Variants in SMAP1 observed in about 807,000 individuals in gnomAD.
SMAP1 encodes small ArfGAP 1, also known as stromal membrane-associated protein 1.
Under a neutral mutation model 58.5 loss-of-function variants are expected in SMAP1, and 24 were observed. The observed-to-expected ratio is 0.41, with a 90% CI of 0.30 to 0.58. The LOEUF is 0.58. Ranked by LOEUF, SMAP1 falls within the 20% of genes least tolerant of loss-of-function variation. The pLI is 0.29. For missense variants in SMAP1, 563 were observed against 566.3 expected (o/e 0.99, Z 0.06); for synonymous variants, 216 against 196.6 (o/e 1.10, Z -0.82).
At chr6:70,765,098 G>A (rs1199596299) in intron 3 of SMAP1, among the ~76,000 whole-genome samples, 1 of 152,194 alleles carries the variant, frequency 6.6e-6, no homozygotes, top group Admixed American at 6.5e-5. Context: ...ATTTTGCCCA[G>A]CCAGAAAACT....
chr6:70,747,891 G>A (rs1006672050), intron 2 of SMAP1, among the ~76,000 whole-genome samples: 1 of 152,148 alleles, frequency 6.6e-6, no homozygotes, highest in Non-Finnish European at 1.5e-5. Flanking sequence ...ATTGTGAAAA[G>A]TATGAAAACT....
intron 5 of SMAP1, among the ~76,000 whole-genome samples, chr6:70,795,381 A>T (rs2149948969): frequency 6.6e-6 from 1 of 152,294 alleles, no homozygotes; most frequent in Admixed American, 6.5e-5. Context: ...AAACAACAAA[A>T]ATTTACTTCT....
rs1771512669 is a variant in SMAP1 at position 70,858,074 on chromosome 6, A to C, written c.1114A>C (p.Met372Leu). 1.2e-6 allele frequency: 2 copies of C among 1,613,982 alleles called. No individual in the cohort carries two copies. Among genetic ancestry groups the C allele is most frequent in the African/African-American group, 2.7e-5 (2 of 74,910 alleles). Residue 372 changes from methionine (M) to leucine (L), a missense_variant, in exon 10 of 11, where the codon ATG (methionine) becomes CTG (leucine). This residue lies in a region of SMAP1 where 494 missense variants were observed against 473.8 expected (regional missense o/e 1.04). Transcript: ENST00000370455. Reference protein sequence around the residue: ...QSPSMMVGMPMPNGFMGNAQT... With the variant: ...QSPSMMVGMPLPNGFMGNAQT... The stretch of plus-strand genomic sequence containing the variant: ...TCCAAGCATGATGGTGGGCATGCCC[A>C]TGCCCAATGGGTTTATGGGAAATGC...
At chr6:70,787,568 T>A (rs1030922366) in intron 4 of SMAP1, among the ~76,000 whole-genome samples, 1 of 151,972 alleles carries the variant, frequency 6.6e-6, no homozygotes, top group African/African-American at 2.4e-5. Context: ...AGGGCTAATA[T>A]CCAGAATCTA....
intron 3 of SMAP1, among the ~76,000 whole-genome samples, chr6:70,769,743 C>T (rs1190553426): frequency 3.9e-5 from 6 of 152,208 alleles, no homozygotes; most frequent in South Asian, 4.1e-4. Context: ...GAGCATTTAG[C>T]CCATTTACAT....
At chr6:70,785,681 C>G (rs1767984535) in intron 4 of SMAP1, among the ~76,000 whole-genome samples, 1 of 152,178 alleles carries the variant, frequency 6.6e-6, no homozygotes, top group Admixed American at 6.5e-5. Flanking sequence ...CACCTCTACG[C>G]AAATAAACTA....
chr6:70,714,015 C>T (rs138556711), intron 1 of SMAP1, among the ~76,000 whole-genome samples: 1 of 152,238 alleles, frequency 6.6e-6, no homozygotes, highest in East Asian at 1.9e-4. Flanking sequence ...TCTCTAGAGA[C>T]AGTTTTTGAC....
intron 3 of SMAP1, among the ~76,000 whole-genome samples, chr6:70,765,268 T>C (rs1157412820): frequency 1.3e-5 from 2 of 152,196 alleles, no homozygotes; most frequent in African/African-American, 4.8e-5. Context: ...GATAGGTTCT[T>C]AGAAACCACG....
chr6:70,679,939 C>T (rs959252005), intron 1 of SMAP1, among the ~76,000 whole-genome samples: 2 of 151,974 alleles, frequency 1.3e-5, no homozygotes, highest in Non-Finnish European at 2.9e-5. Flanking sequence ...CATTGAAAAA[C>T]AAAAAGAATG....
intron 6 of SMAP1, among the ~76,000 whole-genome samples, chr6:70,823,220 G>A (rs1010228976): frequency 4.6e-5 from 7 of 152,138 alleles, no homozygotes; most frequent in Non-Finnish European, 8.8e-5. Flanking sequence ...ATGATGTAGT[G>A]GGTGAAAGGA....
At chr6:70,789,385 A>C (rs12660641) in intron 4 of SMAP1, among the ~76,000 whole-genome samples, 1 of 151,320 alleles carries the variant, frequency 6.6e-6, no homozygotes, top group Non-Finnish European at 1.5e-5. Flanking sequence ...TTTTTTAATC[A>C]CCATAGATTA....
chr6:70,717,629 T>C (rs1336690510), intron 1 of SMAP1, among the ~76,000 whole-genome samples: 1 of 152,188 alleles, frequency 6.6e-6, no homozygotes, highest in East Asian at 1.9e-4. Context: ...TTGATCTGTG[T>C]ATACATGTTT....
At chr6:70,800,710 C>G (rs1312764282) in intron 6 of SMAP1, among the ~76,000 whole-genome samples, 1 of 151,122 alleles carries the variant, frequency 6.6e-6, no homozygotes, top group Non-Finnish European at 1.5e-5. Flanking sequence ...TGTTCCCTGC[C>G]CTGTGTCCAA....
chr6:70,829,282 GT>G (rs549506516), intron 6 of SMAP1, among the ~76,000 whole-genome samples: 1 of 145,956 alleles, frequency 6.9e-6, no homozygotes, highest in Admixed American at 6.8e-5. Context: ...TTTTGTTTTT[GT>G]TTTTTTTATT....
At chr6:70,851,925 G>A (rs1053100351) in intron 7 of SMAP1, among the ~76,000 whole-genome samples, 1 of 152,136 alleles carries the variant, frequency 6.6e-6, no homozygotes, top group African/African-American at 2.4e-5. Flanking sequence ...ATCAGTTTAA[G>A]TATTGTATGT....
chr6:70,804,753 T>C (rs1393184819), intron 6 of SMAP1, among the ~76,000 whole-genome samples: 1 of 152,204 alleles, frequency 6.6e-6, no homozygotes, highest in Non-Finnish European at 1.5e-5. Flanking sequence ...CCTTCACTTA[T>C]GAAGCTTAGT....
chr6:70,705,041 C>T (rs1199899845), intron 1 of SMAP1, among the ~76,000 whole-genome samples: 3 of 152,044 alleles, frequency 2.0e-5, no homozygotes, highest in Non-Finnish European at 4.4e-5. Context: ...CCTGAGGATA[C>T]CCAGTAACTA....
intron 1 of SMAP1, among the ~76,000 whole-genome samples, chr6:70,706,884 C>T (rs1319007820): frequency 1.3e-5 from 2 of 152,126 alleles, no homozygotes; most frequent in East Asian, 3.9e-4. Context: ...TGTATAGCCC[C>T]AGGATATATC....
At chr6:70,783,380 T>G (rs1767848491) in intron 4 of SMAP1, among the ~76,000 whole-genome samples, 2 of 152,270 alleles carry the variant, frequency 1.3e-5, no homozygotes, top group South Asian at 4.1e-4. Flanking sequence ...CTGGAAACTC[T>G]AAAAAGCAGA....
Sources: allele counts gnomAD v4.1 joint callset (sites outside exome capture counted in the v4.1 genomes callset), GRCh38; gene constraint gnomAD v4.1.1; regional missense constraint gnomAD v4.1.1; transcripts MANE v1.5; gene names NCBI Gene and HGNC (gene_info 2026-07-23, HGNC 2026-07-21).